The following SHROOM3 variants were observed in gnomAD, a reference collection of about 807,000 sequenced individuals.
The protein encoded by SHROOM3 is protein Shroom3.
A neutral mutation model predicts 138.6 loss-of-function variants in SHROOM3; 47 were observed. The ratio of observed to expected loss-of-function variants is 0.34; its 90% CI spans 0.27 to 0.43. SHROOM3 has a LOEUF of 0.43. Ranked by LOEUF, SHROOM3 falls within the 20% of genes least tolerant of loss-of-function variation. The probability of loss-of-function intolerance (pLI) is 1.00; values close to 1 mark genes in which losing one functional copy is unlikely to be tolerated. For synonymous variants in SHROOM3, 1,062 were observed against 1,063.3 expected (o/e 1.00, Z 0.02); for missense variants, 2,491 against 2,596.5 (o/e 0.96, Z 0.88).
intron 2 of SHROOM3, among the ~76,000 whole-genome samples, chr4:76,699,131 T>A (rs1274944481): frequency 6.6e-6 from 1 of 152,212 alleles, no homozygotes; most frequent in Non-Finnish European, 1.5e-5. Context: ...TTTTTACAGA[T>A]GAGGTCCTGA....
At chr4:76,712,615 C>T (rs1276485396) in intron 3 of SHROOM3, among the ~76,000 whole-genome samples, 2 of 152,128 alleles carry the variant, frequency 1.3e-5, no homozygotes, top group Non-Finnish European at 2.9e-5. Flanking sequence ...AGAACATAAG[C>T]GACAAGCAAT....
At chr4:76,768,394 T>A (rs537463158) in intron 9 of SHROOM3, among the ~76,000 whole-genome samples, 1 of 152,314 alleles carries the variant, frequency 6.6e-6, no homozygotes, top group South Asian at 2.1e-4. Context: ...CCAGCCAGAA[T>A]TGCTTTTTTG....
chr4:76,753,926 T>G lies in SHROOM3; in HGVS notation c.3828-385T>G, dbSNP rs1721715508. ...AGGCAGCATTATTTTTCCCCAGAGCTGGGAGCTATTTCCTGAAGTAGTCCT... is the reference window on the plus strand; with the variant it reads ...AGGCAGCATTATTTTTCCCCAGAGCGGGGAGCTATTTCCTGAAGTAGTCCT... On this transcript the variant is annotated intron_variant, in intron 6 of 10. Coordinates refer to ENST00000296043, the MANE Select transcript of SHROOM3 (RefSeq NM_020859.4). Among the ~76,000 whole-genome samples, 4 of 152,344 alleles carry G rather than the reference T, an allele frequency of 2.6e-5. 1 individual carries two copies. The South Asian group carries it at 8.3e-4, about 32-fold the overall frequency.
At chr4:76,524,568 AGGG>A (rs1732640432) in intron 1 of SHROOM3, among the ~76,000 whole-genome samples, 1 of 152,244 alleles carries the variant, frequency 6.6e-6, no homozygotes, top group Non-Finnish European at 1.5e-5. Flanking sequence ...TTAACAAAAC[AGGG>A]TTTCTCCCTG....
intron 8 of SHROOM3, among the ~76,000 whole-genome samples, chr4:76,757,819 A>G (rs956949710): frequency 2.6e-5 from 4 of 152,198 alleles, no homozygotes; most frequent in Non-Finnish European, 5.9e-5. Context: ...CTACTATGAG[A>G]AAGACTGAGT....
intron 5 of SHROOM3, among the ~76,000 whole-genome samples, chr4:76,748,000 A>G (rs1449338580): frequency 6.6e-6 from 1 of 152,214 alleles, no homozygotes; most frequent in African/African-American, 2.4e-5. Flanking sequence ...TTACAAAAAA[A>G]AAGTCAAGTG....
At chr4:76,614,180 G>T (rs890679048) in intron 2 of SHROOM3, among the ~76,000 whole-genome samples, 4 of 152,040 alleles carry the variant, frequency 2.6e-5, no homozygotes, top group Non-Finnish European at 4.4e-5. Flanking sequence ...TCAGCCTCCC[G>T]AGTAGCTGGG....
chr4:76,479,368 A>T (rs1731557447), intron 1 of SHROOM3, among the ~76,000 whole-genome samples: 1 of 151,864 alleles, frequency 6.6e-6, no homozygotes, highest in South Asian at 2.1e-4. Flanking sequence ...CATCAAGCAG[A>T]AGAAAGGATA....
intron 10 of SHROOM3, among the ~76,000 whole-genome samples, chr4:76,775,749 A>T (rs921614594): frequency 1.3e-5 from 2 of 151,816 alleles, no homozygotes; most frequent in African/African-American, 4.8e-5. Context: ...TACTATATAT[A>T]TACACACACC....
At chr4:76,585,668 T>C (rs1300273435) in intron 2 of SHROOM3, among the ~76,000 whole-genome samples, 1 of 152,152 alleles carries the variant, frequency 6.6e-6, no homozygotes, top group Non-Finnish European at 1.5e-5. Context: ...TGTGGTGTTG[T>C]TGTTTTGTCT....
In SHROOM3 at chr4:76,779,196, A is replaced by G. The variant is rs1162663606; in HGVS notation, c.*19A>G. On this transcript the variant is annotated 3_prime_UTR_variant, in exon 11 of 11. Coordinates refer to ENST00000296043, the MANE Select transcript of SHROOM3 (RefSeq NM_020859.4). ...ACTTTAACCTCTTCTAAAATACCCA[A>G]CCAAAAGATCACTGTTTCTCTCAAC... is the stretch of plus-strand genomic sequence containing the variant. The G allele has an allele frequency of 1.3e-6, 2 of 1,581,854 alleles. No individual in the cohort carries two copies. The highest frequency in any genetic ancestry group is 1.7e-6 in the Non-Finnish European group (2 of 1,163,772).
In SHROOM3 at chr4:76,586,488, A is replaced by C. The variant is rs1030387494; in HGVS notation, c.323+30725A>C. 6 of 982,858 alleles carry C rather than the reference A, an allele frequency of 6.1e-6. No homozygotes were observed. The East Asian group carries it at 6.8e-4, about 112-fold the overall frequency. 60.9% of individuals were successfully genotyped at this position (982,858 alleles called of 1,614,324 possible). On this transcript the variant is annotated intron_variant, in intron 2 of 10. Transcript: ENST00000296043. ...CCTTAAGGTAAGTCCATTTTAAACCAACGATTTCTCGATGACATTATTTCT... is the reference window on the plus strand; with the variant it reads ...CCTTAAGGTAAGTCCATTTTAAACCCACGATTTCTCGATGACATTATTTCT...
intron 1 of SHROOM3, among the ~76,000 whole-genome samples, chr4:76,534,251 T>C (rs957506353): frequency 6.6e-6 from 1 of 152,196 alleles, no homozygotes; most frequent in African/African-American, 2.4e-5. Flanking sequence ...CCATTGTGCA[T>C]CGATTTTAAA....
At chr4:76,556,484 G>A (rs1464556758) in intron 2 of SHROOM3, among the ~76,000 whole-genome samples, 3 of 152,190 alleles carry the variant, frequency 2.0e-5, no homozygotes, top group African/African-American at 7.2e-5. Flanking sequence ...AGATTAAATA[G>A]GTTACTGGAG....
At chr4:76,450,616 C>T (rs998671741) in intron 1 of SHROOM3, among the ~76,000 whole-genome samples, 2 of 152,108 alleles carry the variant, frequency 1.3e-5, no homozygotes, top group African/African-American at 4.8e-5. Context: ...AGACACCAGA[C>T]ACAAAGGAAC....
At chr4:76,771,771 G>T (rs886688128) in intron 10 of SHROOM3, among the ~76,000 whole-genome samples, 2 of 152,196 alleles carry the variant, frequency 1.3e-5, no homozygotes, top group Admixed American at 1.3e-4. Context: ...TAGGATAGGA[G>T]GAGTCCTACT....
In SHROOM3 at chr4:76,780,065, CA is replaced by C. The variant is rs1722692694; in HGVS notation, c.*892del. ...TAGGAGGAGGACGTCCAGAATCCAA[CA>C]AAATTCAAACGGAGCCCATGCTGTT... On this transcript the variant is annotated 3_prime_UTR_variant, in exon 11 of 11. Coordinates refer to ENST00000296043, the MANE Select transcript of SHROOM3 (RefSeq NM_020859.4). 6.6e-6 allele frequency: 1 copy of C among 152,140 alleles called. No individual in the cohort carries two copies. Among genetic ancestry groups the C allele is most frequent in the Non-Finnish European group, 1.5e-5 (1 of 68,020 alleles). 9.4% of individuals were successfully genotyped at this position (152,140 alleles called of 1,614,324 possible). A position where few individuals can be genotyped will look rare whatever the true frequency, so the allele number is the denominator to read the frequency against.
At chr4:76,621,987 C>G (rs574990093) in intron 2 of SHROOM3, among the ~76,000 whole-genome samples, 59 of 152,090 alleles carry the variant, frequency 3.9e-4, no homozygotes, top group African/African-American at 1.4e-3. Flanking sequence ...CCTGCTACCA[C>G]GCCTGGCTAA....
chr4:76,623,101 CA>C (rs764640709), intron 2 of SHROOM3, among the ~76,000 whole-genome samples: 4 of 152,190 alleles, frequency 2.6e-5, no homozygotes, highest in Non-Finnish European at 5.9e-5. Flanking sequence ...TAACACATTT[CA>C]TGCTTTTGAT....
Sources: gnomAD v4.1 joint callset for allele counts (sites outside exome capture counted in the v4.1 genomes callset) on GRCh38, gnomAD v4.1.1 for gene constraint, MANE v1.5 for transcripts, NCBI Gene and HGNC (gene_info 2026-07-23, HGNC 2026-07-21) for gene names.